The following MYO9B variants were observed in gnomAD, a reference collection of about 807,000 sequenced individuals.
MYO9B encodes the protein unconventional myosin-IXb.
Under a neutral mutation model 229.5 loss-of-function variants are expected in MYO9B, and 71 were observed. That is an observed-to-expected ratio of 0.31 (90% CI 0.26 to 0.38). The LOEUF is 0.38. MYO9B is among the 10% of genes least tolerant of loss of function. The probability of loss-of-function intolerance (pLI) is 1.00; values close to 1 mark genes in which losing one functional copy is unlikely to be tolerated. For synonymous variants in MYO9B, 1,185 were observed against 1,235.8 expected (o/e 0.96, Z 0.86); for missense variants, 2,255 against 2,920.5 (o/e 0.77, Z 5.25).
Position 17,198,278 on chromosome 19 carries a change from G to C in MYO9B, c.4208G>C (p.Gly1403Ala). Residue 1403 changes from glycine to alanine, a missense_variant, in exon 24 of 40, where the codon GGG (glycine) becomes GCG (alanine). This residue lies in a region of MYO9B where 679 missense variants were observed against 770.2 expected (regional missense o/e 0.88). Transcript: ENST00000682292. ...PGDASSLPDA[G>A]LSPGSQVDSK... is the part of the protein sequence containing the mutation. ...GACGCATCCTCCCTCCCAGACGCAG[G>C]GCTGTCCCCGGGCTCTCAGGTCGAC... 6.2e-7 allele frequency: 1 copy of C among 1,613,888 alleles called. No individual in the cohort carries two copies. Among genetic ancestry groups the C allele is most frequent in the Non-Finnish European group, 8.5e-7 (1 of 1,179,880 alleles).
chr19:17,207,060 G>A, intron 34 of MYO9B, 53 bp from the exon 35 acceptor site: 1 of 1,595,670 alleles, frequency 6.3e-7, no homozygotes, highest in Non-Finnish European at 8.5e-7. Flanking sequence ...GGGGCTCCCT[G>A]GTACCTCCCT....
At chr19:17,094,916 C>G (rs2057673554) in intron 1 of MYO9B, among the ~76,000 whole-genome samples, 1 of 152,006 alleles carries the variant, frequency 6.6e-6, no homozygotes, top group South Asian at 2.1e-4. Flanking sequence ...GGACTCCAGC[C>G]TGGGCAACAG....
chr19:17,170,326 G>A (rs1024389287), intron 11 of MYO9B, among the ~76,000 whole-genome samples: 8 of 152,160 alleles, frequency 5.3e-5, no homozygotes, highest in South Asian at 2.1e-4. Flanking sequence ...TTGGTGGTAT[G>A]GGGTTAAGAT....
intron 17 of MYO9B, 30 bp downstream of exon 17, chr19:17,185,017 C>A: frequency 6.2e-7 from 1 of 1,613,168 alleles, no homozygotes; most frequent in Non-Finnish European, 8.5e-7. Flanking sequence ...CAGAAGGTGG[C>A]GGTCAGCTCA....
intron 16 of MYO9B, 159 bp downstream of exon 16, chr19:17,184,027 G>C: frequency 1.3e-6 from 1 of 742,096 alleles, no homozygotes; most frequent in Non-Finnish European, 2.2e-6. Context: ...AGATGATTTA[G>C]AGCTGTCTCT....
intron 10 of MYO9B, among the ~76,000 whole-genome samples, chr19:17,167,101 C>G (rs762714880): frequency 1.2e-4 from 18 of 146,166 alleles, no homozygotes; most frequent in South Asian, 4.2e-4. Context: ...ATTATACTTA[C>G]TGGTTGAACA....
At chr19:17,091,816 T>C (rs1208493851) in intron 1 of MYO9B, among the ~76,000 whole-genome samples, 1 of 152,188 alleles carries the variant, frequency 6.6e-6, no homozygotes, top group East Asian at 1.9e-4. Context: ...GAGCAAGCCC[T>C]TATCCACTTC....
At chr19:17,171,096 T>C (rs77970641) in intron 11 of MYO9B, among the ~76,000 whole-genome samples, 6,556 of 152,286 alleles carry the variant, frequency 0.043, 310 homozygotes, top group African/African-American at 0.11. Context: ...GCAGATGCCT[T>C]ACACTCCATA....
chr19:17,206,386 A>C lies in MYO9B; in HGVS notation c.5386+10A>C, dbSNP rs376194543. 2 of 1,608,200 alleles carry C rather than the reference A, an allele frequency of 1.2e-6. No homozygotes were observed. The highest frequency in any genetic ancestry group is 3.3e-5 in the Admixed American group (2 of 59,884). On this transcript the variant is annotated intron_variant, in intron 33 of 39. Transcript: ENST00000682292. ...TTCCTCCGAGCCGTCGGTGAGCCCC[A>C]TGGCGGTGCGGGTGGCAGCAGGTGG...
Position 17,102,992 on chromosome 19 carries a change from G to A in MYO9B, c.840+435G>A, listed in dbSNP as rs1326672451. 2.6e-5 allele frequency among the ~76,000 whole-genome samples: 4 copies of A among 151,192 alleles called. No individual in the cohort carries two copies. In the East Asian group the frequency reaches 7.7e-4, roughly 29 times the overall value. ...TGGTTTTTGAGAGGCTGAGGCAAGA[G>A]GATCGCTTGAGCCCAGGAATTCAAC... On this transcript the variant is annotated intron_variant, in intron 2 of 39. Coordinates refer to ENST00000682292, the MANE Select transcript of MYO9B (RefSeq NM_004145.4).
intron 10 of MYO9B, among the ~76,000 whole-genome samples, chr19:17,165,962 G>A (rs1436820400): frequency 6.6e-6 from 1 of 152,088 alleles, no homozygotes; most frequent in Non-Finnish European, 1.5e-5. Flanking sequence ...ACTGTTAGTT[G>A]CAACAGACAT....
rs9305088 is a variant in MYO9B at position 17,187,915 on chromosome 19, G to C, written c.2578-20G>C. 0.45 allele frequency: 693,554 copies of C among 1,557,092 alleles called. 163,838 individuals carry two copies. Among genetic ancestry groups the C allele is most frequent in the African/African-American group, 0.74 (54,348 of 73,516 alleles). ...GTCAGGTCAAGGCCACCTGCCTGAT[G>C]TCTCGCATTCCCATTTCAGAAAGAG... On this transcript the variant is annotated intron_variant, in intron 18 of 39. Coordinates refer to ENST00000682292, the MANE Select transcript of MYO9B (RefSeq NM_004145.4).
At chr19:17,170,511 G>A (rs1209850964) in intron 11 of MYO9B, among the ~76,000 whole-genome samples, 1 of 151,748 alleles carries the variant, frequency 6.6e-6, no homozygotes, top group Non-Finnish European at 1.5e-5. Context: ...GGTAGAGAAT[G>A]TTCAGATAAG....
chr19:17,137,902 GC>G (rs1238016558), intron 2 of MYO9B, among the ~76,000 whole-genome samples: 2 of 133,520 alleles, frequency 1.5e-5, no homozygotes, highest in Non-Finnish European at 3.2e-5. Context: ...ACCATACCTG[GC>G]TTTTTTTTTT....
At chr19:17,202,747 A>G in intron 28 of MYO9B, 95 bp from the exon 29 acceptor site, 3 of 1,267,680 alleles carry the variant, frequency 2.4e-6, no homozygotes, top group East Asian at 2.6e-5. Context: ...GGGAGGGTTC[A>G]GGGTACCCAC....
chr19:17,143,765 AC>A (rs1440753123), intron 2 of MYO9B, among the ~76,000 whole-genome samples: 1 of 152,142 alleles, frequency 6.6e-6, no homozygotes, highest in African/African-American at 2.4e-5. Flanking sequence ...TACTACAAAT[AC>A]AAAAATTAGC....
intron 30 of MYO9B, among the ~76,000 whole-genome samples, chr19:17,203,970 ATATGGCCAAG>A (rs1347675638): frequency 1.3e-5 from 2 of 152,038 alleles, no homozygotes; most frequent in Non-Finnish European, 2.9e-5. Context: ...CACAGCTTTG[ATATGGCCAAG>A]TCAGTACCCA....
intron 38 of MYO9B, 128 bp from the exon 39 acceptor site, chr19:17,211,519 C>T (rs1363246652): frequency 2.3e-6 from 2 of 877,920 alleles, no homozygotes; most frequent in African/African-American, 1.7e-5. Flanking sequence ...AAGCAATCCT[C>T]CTGCTTGGGG....
At chr19:17,118,781 C>T (rs913484615) in intron 2 of MYO9B, among the ~76,000 whole-genome samples, 2 of 152,088 alleles carry the variant, frequency 1.3e-5, no homozygotes, top group African/African-American at 4.8e-5. Flanking sequence ...GCCACCATGC[C>T]GGGCCTGTTT....
Sources: gnomAD v4.1 joint callset for allele counts (sites outside exome capture counted in the v4.1 genomes callset) on GRCh38, gnomAD v4.1.1 for gene constraint, gnomAD v4.1.1 regional missense constraint, MANE v1.5 for transcripts, NCBI Gene and HGNC (gene_info 2026-07-23, HGNC 2026-07-21) for gene names.